The following CREBBP variants were observed in gnomAD, a reference collection of about 807,000 sequenced individuals.
CREBBP encodes the protein CREB binding lysine acetyltransferase.
In CREBBP, 19 loss-of-function variants were observed where a neutral mutation model predicts 265.0. That is an observed-to-expected ratio of 0.07 (90% confidence interval 0.05 to 0.11). The LOEUF (loss-of-function observed/expected upper bound fraction) is 0.11. Ranked by LOEUF, CREBBP falls within the 10% of genes least tolerant of loss-of-function variation. CREBBP has a pLI of 1.00. For synonymous variants in CREBBP, 1,457 were observed against 1,223.7 expected, an observed-to-expected ratio of 1.19 and a Z score of -3.98; for missense variants, 2,525 against 3,219.0, an observed-to-expected ratio of 0.78 and a Z score of 5.22.
At chr16:3,777,683 A>ACAAAAC (rs1458160806) in intron 10 of CREBBP, 26 bp from the exon 11 acceptor site, 1 of 1,612,584 alleles carries the variant, frequency 6.2e-7, no homozygotes, top group African/African-American at 1.3e-5. Context: ...AAAAACAAAA[A>ACAAAAC]CAAAACCACC....
intron 2 of CREBBP, among the ~76,000 whole-genome samples, chr16:3,832,834 G>C (rs537410975): frequency 6.6e-6 from 1 of 151,922 alleles, no homozygotes; most frequent in Non-Finnish European, 1.5e-5. Flanking sequence ...ATCAAGTGGG[G>C]TTATCTCACA....
At chr16:3,737,628 C>T (rs1377659852) in intron 26 of CREBBP, among the ~76,000 whole-genome samples, 1 of 151,530 alleles carries the variant, frequency 6.6e-6, no homozygotes, top group African/African-American at 2.4e-5. Context: ...ACGCCTGGCT[C>T]ATTTTTTGTA....
intron 2 of CREBBP, among the ~76,000 whole-genome samples, chr16:3,816,523 T>G (rs950479142): frequency 6.6e-6 from 1 of 152,148 alleles, no homozygotes; most frequent in Admixed American, 6.5e-5. Context: ...CAGCAAATCC[T>G]GGTGCTGAGC....
chr16:3,772,996 G>C (rs1056254824), intron 13 of CREBBP, among the ~76,000 whole-genome samples: 7 of 151,854 alleles, frequency 4.6e-5, no homozygotes, highest in African/African-American at 1.7e-4. Context: ...GCTTAGGCAG[G>C]AGAATCGCTT....
intron 19 of CREBBP, 86 bp downstream of exon 19, chr16:3,757,202 T>C: frequency 8.3e-7 from 1 of 1,204,082 alleles, no homozygotes; most frequent in Admixed American, 2.0e-5. Flanking sequence ...TATTGGAACT[T>C]CAGGAAAGAA....
chr16:3,766,434 T>C (rs1160982781), intron 16 of CREBBP, among the ~76,000 whole-genome samples: 1 of 152,092 alleles, frequency 6.6e-6, no homozygotes, highest in Non-Finnish European at 1.5e-5. Flanking sequence ...TTCTTACTTA[T>C]TTTTGTTTTG....
At chr16:3,807,632 A>G (rs1324681692) in intron 3 of CREBBP, among the ~76,000 whole-genome samples, 4 of 152,200 alleles carry the variant, frequency 2.6e-5, no homozygotes. Context: ...ATAACTGAAG[A>G]GTTTCAGGCT....
chr16:3,803,630 G>A lies in CREBBP; in HGVS notation c.975+6973C>T, dbSNP rs28373544. On this transcript the variant is annotated intron_variant, in intron 3 of 30. Coordinates refer to ENST00000262367, the MANE Select transcript of CREBBP (RefSeq NM_004380.3). The stretch of plus-strand genomic sequence containing the variant: ...GCAAATGGCTAAGGGGAGCAGGAAA[G>A]CCTGAGCCCAAGGCCAAGGCTCAGG... Among the ~76,000 whole-genome samples the A allele has an allele frequency of 4.5e-3, 684 of 152,286 alleles. 8 individuals carry two copies. The highest frequency in any genetic ancestry group is 0.016 in the African/African-American group (646 of 41,566).
intron 2 of CREBBP, among the ~76,000 whole-genome samples, chr16:3,822,873 G>A (rs1485034977): frequency 1.3e-5 from 2 of 152,198 alleles, no homozygotes; most frequent in Admixed American, 1.3e-4. Context: ...GAGGGAGCCA[G>A]GAGCTGGCTC....
chr16:3,844,572 CTAAA>C (rs1597041981), intron 2 of CREBBP, among the ~76,000 whole-genome samples: 2 of 152,124 alleles, frequency 1.3e-5, no homozygotes, highest in Admixed American at 6.6e-5. Context: ...TAACAGAACA[CTAAA>C]TACACTTCCA....
At chr16:3,797,117 C>T (rs974820626) in intron 3 of CREBBP, among the ~76,000 whole-genome samples, 5 of 152,120 alleles carry the variant, frequency 3.3e-5, no homozygotes, top group African/African-American at 4.8e-5. Flanking sequence ...TGCCCAGTTC[C>T]CACTGGCAGG....
chr16:3,796,119 T>A (rs1446848499), intron 3 of CREBBP, among the ~76,000 whole-genome samples: 1 of 152,166 alleles, frequency 6.6e-6, no homozygotes, highest in Non-Finnish European at 1.5e-5. Flanking sequence ...TGTCTTAAAG[T>A]ACAGAAATAT....
At chr16:3,811,647 A>G (rs1433631749) in intron 2 of CREBBP, among the ~76,000 whole-genome samples, 1 of 152,006 alleles carries the variant, frequency 6.6e-6, no homozygotes, top group African/African-American at 2.4e-5. Flanking sequence ...ACGTGCCACC[A>G]GGTCCGGCTA....
intron 16 of CREBBP, among the ~76,000 whole-genome samples, chr16:3,759,596 A>AAAAAAAAAAAAAAAAAAAAAAAAAAC (rs2052664982): frequency 6.6e-6 from 1 of 151,872 alleles, no homozygotes; most frequent in East Asian, 1.9e-4. Flanking sequence ...TCCAAAAAAA[A>AAAAAAAAAAAAAAAAAAAAAAAAAAC]AAGACCATTT....
At chr16:3,734,388 TAA>T (rs1331235123) in intron 28 of CREBBP, among the ~76,000 whole-genome samples, 1 of 152,158 alleles carries the variant, frequency 6.6e-6, no homozygotes, top group Non-Finnish European at 1.5e-5. Context: ...TCCCGCCTCC[TAA>T]CACATGCATG....
chr16:3,779,173 AG>A (rs1171704807), intron 8 of CREBBP, among the ~76,000 whole-genome samples: 3 of 151,210 alleles, frequency 2.0e-5, no homozygotes, highest in Non-Finnish European at 4.4e-5. Context: ...TACCAAAAAA[AG>A]AAGAAAAAAA....
intron 1 of CREBBP, among the ~76,000 whole-genome samples, chr16:3,875,489 G>C (rs995070308): frequency 6.6e-6 from 1 of 152,118 alleles, no homozygotes; most frequent in Non-Finnish European, 1.5e-5. Flanking sequence ...CAGAACCAGA[G>C]GGAAAAGGGG....
Position 3,773,732 on chromosome 16 carries a change from T to C in CREBBP, c.2463+19A>G. 1 of 1,612,224 alleles carries C rather than the reference T, an allele frequency of 6.2e-7. No individual in the cohort carries two copies. On this transcript the variant is annotated intron_variant, in intron 13 of 30. Coordinates refer to ENST00000262367, the MANE Select transcript of CREBBP (RefSeq NM_004380.3). Reference sequence around the variant, plus strand: ...AATTTTATTTCCTAGGGAGCCACGGTCCCAGTGGGGCACAGTACCTGTGAC... The same window carrying C: ...AATTTTATTTCCTAGGGAGCCACGGCCCCAGTGGGGCACAGTACCTGTGAC...
intron 19 of CREBBP, among the ~76,000 whole-genome samples, chr16:3,752,441 T>C (rs1447555582): frequency 6.6e-6 from 1 of 150,546 alleles, no homozygotes; most frequent in Non-Finnish European, 1.5e-5. Flanking sequence ...CAGAACTGAT[T>C]TTAATTTTTT....
Sources: gnomAD v4.1 joint callset for allele counts (sites outside exome capture counted in the v4.1 genomes callset) on GRCh38, gnomAD v4.1.1 for gene constraint, MANE v1.5 for transcripts, NCBI Gene and HGNC (gene_info 2026-07-23, HGNC 2026-07-21) for gene names.